Variants in YWHAH observed in about 807,000 individuals in gnomAD.
YWHAH encodes 14-3-3 protein eta.
Under a neutral mutation model 22.9 loss-of-function variants are expected in YWHAH, and 6 were observed. The ratio of observed to expected loss-of-function variants is 0.26; its 90% CI spans 0.14 to 0.52. The LOEUF is 0.52. Ranked by LOEUF, YWHAH falls within the 20% of genes least tolerant of loss-of-function variation. YWHAH has a pLI of 0.97. For synonymous variants in YWHAH, 135 were observed against 124.5 expected (o/e 1.08, Z -0.56); for missense variants, 173 against 308.6 (o/e 0.56, Z 3.29).
Position 31,944,829 on chromosome 22 carries a change from G to C in YWHAH, c.87+9G>C. The C allele has an allele frequency of 7.3e-7, 1 of 1,369,528 alleles. No individual in the cohort carries two copies. The highest frequency in any genetic ancestry group is 9.5e-7 in the Non-Finnish European group (1 of 1,053,096). 84.8% of individuals were successfully genotyped at this position (1,369,528 alleles called of 1,614,324 possible). ...CCTCCGCTATGAAGGCGGTGAGCGC[G>C]CCGGGAGCCCGGGCGGCTGGCCGGG... On this transcript the variant is annotated intron_variant, in intron 1 of 1. Coordinates refer to ENST00000248975, the MANE Select transcript of YWHAH (RefSeq NM_003405.4).
intron 1 of YWHAH, 39 bp downstream of exon 1, chr22:31,944,859 G>GC: frequency 7.7e-7 from 1 of 1,302,088 alleles, no homozygotes. Flanking sequence ...GCCGGGGGGG[G>GC]CCTGGCGTTG....
rs2093849966 is a variant in YWHAH, at chr22:31,956,648, A to G, written c.597A>G (p.Gln199=). 4 of 1,614,160 alleles carry G rather than the reference A, an allele frequency of 2.5e-6. No individual in the cohort carries two copies. In the East Asian group the frequency reaches 6.7e-5, roughly 27 times the overall value. The change falls in exon 2 of 2, where the codon CAA becomes CAG. Residue 199 remains glutamine, a synonymous_variant. Transcript: ENST00000248975. The surrounding 1 kb of genome is among the most constrained non-coding windows in gnomAD (Gnocchi z 5.1). ...APEQACLLAK[Q]AFDDAIAELD... is the part of the protein sequence containing the mutation. ...AGCAAGCCTGCCTCTTAGCCAAACAAGCCTTCGATGATGCCATAGCTGAGC... is the reference window on the plus strand; with the variant it reads ...AGCAAGCCTGCCTCTTAGCCAAACAGGCCTTCGATGATGCCATAGCTGAGC...
At chr22:31,950,487 C>T in intron 1 of YWHAH, 1 of 750,282 alleles carries the variant, frequency 1.3e-6, no homozygotes. Context: ...ATTCGGATGC[C>T]TCTAGGGACA....
chr22:31,952,050 C>T (rs1414471718), intron 1 of YWHAH, among the ~76,000 whole-genome samples: 1 of 152,044 alleles, frequency 6.6e-6, no homozygotes, highest in East Asian at 1.9e-4. Flanking sequence ...GGGAAGGTGC[C>T]GTGTGGCAGA....
intron 1 of YWHAH, chr22:31,945,420 G>C: frequency 1.5e-6 from 2 of 1,302,368 alleles, no homozygotes; most frequent in South Asian, 2.5e-5. Flanking sequence ...AGTGGGCGGA[G>C]GGTGTGGGGC....
Position 31,944,587 on chromosome 22 carries a change from G to T in YWHAH, c.-147G>T, listed in dbSNP as rs1249627758. On this transcript the variant is annotated 5_prime_UTR_variant, in exon 1 of 2. Coordinates refer to ENST00000248975, the MANE Select transcript of YWHAH (RefSeq NM_003405.4). The stretch of plus-strand genomic sequence containing the variant: ...GGCGCGAGCGGCGGCGCTGCCTGCA[G>T]CCTGCAGCCTGCAGCCTCCGGCCGG... 5.7e-6 allele frequency: 2 copies of T among 349,774 alleles called. No homozygotes were observed. Among genetic ancestry groups the T allele is most frequent in the Non-Finnish European group, 7.6e-6 (2 of 262,084 alleles). 21.7% of individuals were successfully genotyped at this position (349,774 alleles called of 1,614,324 possible).
At chr22:31,952,072 T>G (rs1409046409) in intron 1 of YWHAH, among the ~76,000 whole-genome samples, 4 of 152,204 alleles carry the variant, frequency 2.6e-5, no homozygotes, top group African/African-American at 4.8e-5. Flanking sequence ...ATGACTGTTG[T>G]AATCTTGGTG....
At chr22:31,949,136 C>CTTTTTTTTTTTTTTT (rs760273556) in intron 1 of YWHAH, among the ~76,000 whole-genome samples, 2 of 99,082 alleles carry the variant, frequency 2.0e-5, no homozygotes, top group Non-Finnish European at 3.8e-5. Context: ...ACATATTTTA[C>CTTTTTTTTTTTTTTT]TTTTTTTTTT....
intron 1 of YWHAH, among the ~76,000 whole-genome samples, chr22:31,950,056 T>C (rs75622082): frequency 0.011 from 1,629 of 146,458 alleles, 21 homozygotes; most frequent in East Asian, 0.038. Context: ...GGATTTTGCT[T>C]GTTCTGAAGG....
At chr22:31,944,855 G>A in intron 1 of YWHAH, 35 bp downstream of exon 1, 2 of 1,325,054 alleles carry the variant, frequency 1.5e-6, no homozygotes, top group South Asian at 3.4e-5. Context: ...GCTGGCCGGG[G>A]GGGGCCTGGC....
At chr22:31,945,297 C>G (rs919944678) in intron 1 of YWHAH, 4 of 1,174,194 alleles carry the variant, frequency 3.4e-6, no homozygotes, top group Admixed American at 7.2e-5. Flanking sequence ...CAATTCCGAT[C>G]TGTTTTGCTC....
At chr22:31,946,580 G>A (rs1427849160) in intron 1 of YWHAH, among the ~76,000 whole-genome samples, 1 of 152,188 alleles carries the variant, frequency 6.6e-6, no homozygotes, top group Non-Finnish European at 1.5e-5. Context: ...GAAAAGAAAG[G>A]AGGGACGAGG....
chr22:31,957,053 TG>T lies in YWHAH; in HGVS notation c.*262del, dbSNP rs755773565. 2 of 378,954 alleles carry T rather than the reference TG, an allele frequency of 5.3e-6. No individual in the cohort carries two copies. The highest frequency in any genetic ancestry group is 9.5e-6 in the Non-Finnish European group (2 of 211,264). 23.5% of individuals were successfully genotyped at this position (378,954 alleles called of 1,614,324 possible). ...TTCTGATGAGGCATTTTACTATGCC[TG>T]TTGATCTATGGGAAATCTAGGCGAA... On this transcript the variant is annotated 3_prime_UTR_variant, in exon 2 of 2. Transcript: ENST00000248975.
intron 1 of YWHAH, among the ~76,000 whole-genome samples, chr22:31,950,076 C>CTTTTTTTTTTTTTTTTTTTTTTTTTT (rs557406783): frequency 2.4e-5 from 1 of 42,154 alleles, no homozygotes; most frequent in African/African-American, 6.6e-5. Context: ...GCTTGGAGGC[C>CTTTTTTTTTTTTTTTTTTTTTTTTTT]TTTTTTTTTT....
At chr22:31,944,844 G>A in intron 1 of YWHAH, 24 bp downstream of exon 1, 1 of 1,344,158 alleles carries the variant, frequency 7.4e-7, no homozygotes, top group South Asian at 1.6e-5. Context: ...GAGCCCGGGC[G>A]GCTGGCCGGG....
rs2093850429 is a variant in YWHAH at position 31,957,027 on chromosome 22, GT to G, written c.*237del. On this transcript the variant is annotated 3_prime_UTR_variant, in exon 2 of 2. Transcript: ENST00000248975. ...CTTTTTGAATTGTGTGGAGAAGTGT[GT>G]TCTGATGAGGCATTTTACTATGCCT... 4.2e-6 allele frequency: 2 copies of G among 481,256 alleles called. No individual in the cohort carries two copies. The highest frequency in any genetic ancestry group is 7.2e-6 in the Non-Finnish European group (2 of 276,630). 29.8% of individuals were successfully genotyped at this position (481,256 alleles called of 1,614,324 possible). A position where few individuals can be genotyped will look rare whatever the true frequency, so the allele number is the denominator to read the frequency against.
intron 1 of YWHAH, chr22:31,947,560 G>C (rs1225496388): frequency 4.4e-6 from 2 of 453,764 alleles, no homozygotes; most frequent in South Asian, 1.6e-5. Context: ...TCTCTTCCCT[G>C]CTTCTCTCCA....
At chr22:31,954,915 CTT>C (rs2093847703) in intron 1 of YWHAH, among the ~76,000 whole-genome samples, 1 of 152,216 alleles carries the variant, frequency 6.6e-6, no homozygotes, top group Non-Finnish European at 1.5e-5. Context: ...TTCAGCGTAT[CTT>C]TTGGCGGGGG....
At chr22:31,955,462 T>C (rs1460779166) in intron 1 of YWHAH, among the ~76,000 whole-genome samples, 5 of 151,506 alleles carry the variant, frequency 3.3e-5, no homozygotes, top group Non-Finnish European at 7.4e-5. Context: ...TTTTTTTTCT[T>C]TTGAGACGGA....
Sources: allele counts gnomAD v4.1 joint callset (sites outside exome capture counted in the v4.1 genomes callset), GRCh38; gene constraint gnomAD v4.1.1; non-coding constraint Gnocchi (gnomAD v3.1); transcripts MANE v1.5; gene names NCBI Gene and HGNC (gene_info 2026-07-23, HGNC 2026-07-21).